Variants in TJP1 observed in about 807,000 individuals in gnomAD.
TJP1 encodes tight junction protein ZO-1.
A neutral mutation model predicts 194.2 loss-of-function variants in TJP1; 43 were observed. That is an observed-to-expected ratio of 0.22 (90% CI 0.17 to 0.29). The LOEUF (loss-of-function observed/expected upper bound fraction) is 0.29. Among genes scored for constraint, TJP1 ranks in the 10% least tolerant of loss-of-function variants. The pLI is 1.00. For synonymous variants in TJP1, 801 were observed against 779.0 expected (o/e 1.03, Z -0.47); for missense variants, 1,971 against 2,185.7 (o/e 0.90, Z 1.96).
chr15:29,759,970 T>C, intron 8 of TJP1: 1 of 463,258 alleles, frequency 2.2e-6, no homozygotes. Context: ...TTCCTTTGGA[T>C]ATGTACCCAG....
intron 1 of TJP1, among the ~76,000 whole-genome samples, chr15:29,962,527 C>T (rs2056197184): frequency 6.6e-6 from 1 of 152,186 alleles, no homozygotes; most frequent in African/African-American, 2.4e-5. Flanking sequence ...ATACCAGCAA[C>T]TGACAGCCAC....
At chr15:29,704,343 G>A (rs752819863) in intron 26 of TJP1, 38 bp from the exon 27 acceptor site, 97 of 1,547,562 alleles carry the variant, frequency 6.3e-5, no homozygotes, top group Non-Finnish European at 8.2e-5. Flanking sequence ...GAGGATGGAT[G>A]TGGTCTTTCT....
In TJP1 at chr15:29,727,919, C is replaced by A; in HGVS notation, c.2100+18G>T. 2 of 1,608,374 alleles carry A rather than the reference C, an allele frequency of 1.2e-6. No individual in the cohort carries two copies. The highest frequency in any genetic ancestry group is 1.1e-5 in the South Asian group (1 of 90,730). ...ACCACAATAACATAATGAAATGGGT[C>A]AAGTTTTAATAACTTACTTGATCTA... On this transcript the variant is annotated intron_variant, in intron 16 of 27. Coordinates refer to ENST00000614355, the MANE Select transcript of TJP1 (RefSeq NM_001330239.4).
At chr15:29,958,721 C>T (rs926608647) in intron 1 of TJP1, among the ~76,000 whole-genome samples, 9 of 152,122 alleles carry the variant, frequency 5.9e-5, no homozygotes, top group Non-Finnish European at 1.2e-4. Flanking sequence ...CATGAGTATG[C>T]TCACCTCCTC....
intron 1 of TJP1, among the ~76,000 whole-genome samples, chr15:29,818,085 A>G (rs1447354644): frequency 1.3e-5 from 2 of 152,194 alleles, no homozygotes. Context: ...TCAGTGTAAC[A>G]GTAAAAAATG....
intron 1 of TJP1, among the ~76,000 whole-genome samples, chr15:29,963,661 T>A (rs1351973775): frequency 2.6e-5 from 4 of 152,198 alleles, no homozygotes; most frequent in Admixed American, 6.5e-5. Flanking sequence ...CTGTAAATAC[T>A]TTTTTCTTTT....
intron 1 of TJP1, among the ~76,000 whole-genome samples, chr15:29,821,753 C>A (rs1290303934): frequency 2.0e-5 from 3 of 151,394 alleles, no homozygotes; most frequent in Non-Finnish European, 2.9e-5. Context: ...TATGCACCTG[C>A]CCAGTACGGC....
At chr15:29,769,073 C>T (rs969268503) in intron 4 of TJP1, among the ~76,000 whole-genome samples, 8 of 152,042 alleles carry the variant, frequency 5.3e-5, no homozygotes, top group Admixed American at 4.6e-4. Context: ...ACAACAAACA[C>T]AAACAACTTA....
chr15:29,838,726 T>C (rs2051120289), intron 2 of TJP1, among the ~76,000 whole-genome samples: 1 of 152,038 alleles, frequency 6.6e-6, no homozygotes, highest in Non-Finnish European at 1.5e-5. Flanking sequence ...AACTATGCCT[T>C]CACCACAAGA....
intron 20 of TJP1, among the ~76,000 whole-genome samples, chr15:29,719,537 AG>A (rs2042799931): frequency 6.6e-6 from 1 of 152,206 alleles, no homozygotes; most frequent in Admixed American, 6.5e-5. Flanking sequence ...AGATACTGAA[AG>A]CCAAAAATAA....
chr15:29,777,185 T>G (rs2047070476), intron 2 of TJP1, among the ~76,000 whole-genome samples: 1 of 152,174 alleles, frequency 6.6e-6, no homozygotes, highest in Non-Finnish European at 1.5e-5. Flanking sequence ...TTCTTACTGT[T>G]TCAAGTCATT....
intron 2 of TJP1, among the ~76,000 whole-genome samples, chr15:29,887,051 A>C (rs561422429): frequency 6.6e-6 from 1 of 152,030 alleles, no homozygotes; most frequent in Admixed American, 6.6e-5. Context: ...GGAACAGAGA[A>C]GATAACCCAG....
chr15:29,914,866 AC>A, intron 2 of TJP1, among the ~76,000 whole-genome samples: 1 of 99,440 alleles, frequency 1.0e-5, no homozygotes, highest in South Asian at 3.9e-4. Flanking sequence ...ACACACATAC[AC>A]ACACACACAC....
At chr15:29,703,443 AC>A (rs2041686137) in intron 27 of TJP1, among the ~76,000 whole-genome samples, 1 of 152,036 alleles carries the variant, frequency 6.6e-6, no homozygotes. Flanking sequence ...ACCTCAAAAA[AC>A]CAAATCAAAA....
chr15:29,931,358 G>T (rs934464213), intron 2 of TJP1, among the ~76,000 whole-genome samples: 1 of 152,076 alleles, frequency 6.6e-6, no homozygotes, highest in Admixed American at 6.5e-5. Context: ...TATGGTTCAA[G>T]GGTCAACTGT....
At chr15:29,800,351 A>G (rs924805654) in intron 2 of TJP1, 2 of 344,638 alleles carry the variant, frequency 5.8e-6, no homozygotes, top group African/African-American at 4.3e-5. Context: ...GAAGCAGTTT[A>G]TAATAATTTA....
intron 12 of TJP1, 62 bp from the exon 13 acceptor site, chr15:29,733,375 T>C (rs1174569909): frequency 1.1e-5 from 12 of 1,131,616 alleles, no homozygotes; most frequent in Non-Finnish European, 1.4e-5. Flanking sequence ...TGAAAGACAG[T>C]ACATTATGTA....
At chr15:29,817,270 A>T (rs1289283138) in intron 1 of TJP1, among the ~76,000 whole-genome samples, 2 of 152,238 alleles carry the variant, frequency 1.3e-5, no homozygotes, top group African/African-American at 4.8e-5. Context: ...TGCAAATCAA[A>T]ACCACAATGA....
intron 2 of TJP1, among the ~76,000 whole-genome samples, chr15:29,800,057 G>C (rs566641263): frequency 4.6e-5 from 7 of 152,140 alleles, no homozygotes; most frequent in African/African-American, 1.7e-4. Flanking sequence ...CAAGGTTTTC[G>C]AAGGTGACTG....
Sources: allele counts gnomAD v4.1 joint callset (sites outside exome capture counted in the v4.1 genomes callset), GRCh38; gene constraint gnomAD v4.1.1; transcripts MANE v1.5; gene names NCBI Gene and HGNC (gene_info 2026-07-23, HGNC 2026-07-21).